ANKRD34B: variants seen among roughly 807,000 people sequenced by gnomAD.
The protein encoded by ANKRD34B is ankyrin repeat domain 34B, also known as ankyrin repeat domain-containing protein 34B.
In ANKRD34B, 2 loss-of-function variants were observed where a neutral mutation model predicts 4.4. That is an observed-to-expected ratio of 0.46 (90% CI 0.19 to 1.44). The LOEUF (loss-of-function observed/expected upper bound fraction) is 1.44. Ranked by LOEUF, ANKRD34B falls within the 40% of genes most tolerant of loss-of-function variation. The pLI is 0.26. For missense variants in ANKRD34B, 558 were observed against 604.7 expected, an observed-to-expected ratio of 0.92 and a Z score of 0.81; for synonymous variants, 226 against 227.1, an observed-to-expected ratio of 0.99 and a Z score of 0.05.
In ANKRD34B at chr5:80,559,872, C is replaced by T. The variant is rs759235997; in HGVS notation, c.148G>A (p.Ala50Thr). 5.6e-6 allele frequency: 9 copies of T among 1,614,202 alleles called. No individual in the cohort carries two copies. The highest frequency in any genetic ancestry group is 1.3e-5 in the African/African-American group (1 of 75,042). ...TGATCGACATGTTTGGTCTTACAAGCGATCATTAAAGGGGTTTCCCCACGG... is the reference window on the plus strand; with the variant it reads ...TGATCGACATGTTTGGTCTTACAAGTGATCATTAAAGGGGTTTCCCCACGG... ...NDRGETPLMIACKTKHVDHQS... is the reference protein window; with the variant it reads ...NDRGETPLMITCKTKHVDHQS... The change falls in exon 5 of 5, where the codon GCT becomes ACT. Residue 50 changes from alanine to threonine, a missense_variant. Physicochemically the swap from Ala to Thr is moderately conservative, Grantham distance 58 (BLOSUM62 0). Coordinates refer to ENST00000338682, the MANE Select transcript of ANKRD34B (RefSeq NM_001004441.3).
rs1203428297 is a variant in ANKRD34B, at chr5:80,558,324, C to T, written c.*151G>A. 4 of 633,640 alleles carry T rather than the reference C, an allele frequency of 6.3e-6. No homozygotes were observed. Among genetic ancestry groups the T allele is most frequent in the Non-Finnish European group, 1.1e-5 (4 of 380,016 alleles). 39.3% of individuals were successfully genotyped at this position (633,640 alleles called of 1,614,324 possible). A position where few individuals can be genotyped will look rare whatever the true frequency, so the allele number is the denominator to read the frequency against. On this transcript the variant is annotated 3_prime_UTR_variant, in exon 5 of 5. Coordinates refer to ENST00000338682, the MANE Select transcript of ANKRD34B (RefSeq NM_001004441.3). ...TGTATTATTTTTTATGCTCATGACGCCTAGTACAAATCACATTACATTTTA... is the reference window on the plus strand; with the variant it reads ...TGTATTATTTTTTATGCTCATGACGTCTAGTACAAATCACATTACATTTTA...
rs369957076 is a variant in ANKRD34B at position 80,568,953 on chromosome 5, G to GAGAGAGAGAGAGAGAGAGAGAGAGA, written c.-191+6_-191+7insTCTCTCTCTCTCTCTCTCTCTCTCT. ...AGAGAGAGAGAGAGAGAGAGAGAGA[G>GAGAGAGAGAGAGAGAGAGAGAGAGA]GCCAACCTAGTCCTCCAAGTCTCAG... On this transcript the variant is annotated splice_region_variant and intron_variant, in intron 2 of 4. Coordinates refer to ENST00000338682, the MANE Select transcript of ANKRD34B (RefSeq NM_001004441.3). 4 of 146,098 alleles carry GAGAGAGAGAGAGAGAGAGAGAGAGA rather than the reference G, an allele frequency of 2.7e-5. No homozygotes were observed. Among genetic ancestry groups the GAGAGAGAGAGAGAGAGAGAGAGAGA allele is most frequent in the Non-Finnish European group, 4.5e-5 (3 of 66,438 alleles). 9.1% of individuals were successfully genotyped at this position (146,098 alleles called of 1,614,324 possible). A position where few individuals can be genotyped will look rare whatever the true frequency, so the allele number is the denominator to read the frequency against.
chr5:80,561,574 T>C (rs1472837096), intron 4 of ANKRD34B, among the ~76,000 whole-genome samples: 1 of 152,150 alleles, frequency 6.6e-6, no homozygotes. Context: ...GCTACAAAGA[T>C]ACAAGCCCTA....
chr5:80,564,307 C>T, intron 3 of ANKRD34B: 1 of 152,958 alleles, frequency 6.5e-6, no homozygotes, highest in Non-Finnish European at 1.5e-5. Context: ...CCGCCATGCC[C>T]AGCCAAGACT....
chr5:80,557,623 C>T lies in ANKRD34B; in HGVS notation c.*852G>A, dbSNP rs1746281354. On this transcript the variant is annotated 3_prime_UTR_variant, in exon 5 of 5. Transcript: ENST00000338682. ...GAGGAATGCTTTTTAACTTTTATAT[C>T]ATCTTGTCTTTGGAAACTTATGGAT... 1 of 151,450 alleles carries T rather than the reference C, an allele frequency of 6.6e-6. No individual in the cohort carries two copies. Among genetic ancestry groups the T allele is most frequent in the Non-Finnish European group, 1.5e-5 (1 of 67,880 alleles). The allele number at this position is 151,450 out of a possible 1,614,324, so 9.4% of individuals were successfully genotyped here. A position where few individuals can be genotyped will look rare whatever the true frequency, so the allele number is the denominator to read the frequency against.
chr5:80,557,824 T>C lies in ANKRD34B; in HGVS notation c.*651A>G, dbSNP rs1746285855. 1.3e-5 allele frequency: 2 copies of C among 152,180 alleles called. No homozygotes were observed. The highest frequency in any genetic ancestry group is 2.4e-5 in the African/African-American group (1 of 41,450). 9.4% of individuals were successfully genotyped at this position (152,180 alleles called of 1,614,324 possible). On this transcript the variant is annotated 3_prime_UTR_variant, in exon 5 of 5. Coordinates refer to ENST00000338682, the MANE Select transcript of ANKRD34B (RefSeq NM_001004441.3). Reference sequence around the variant, plus strand: ...AACAACAAGACCCGGCATAGATTACTAGTAGGTTGTAAAACTCTGACTTGC... The same window carrying C: ...AACAACAAGACCCGGCATAGATTACCAGTAGGTTGTAAAACTCTGACTTGC...
Position 80,558,143 on chromosome 5 carries a change from TCTG to T in ANKRD34B, c.*329_*331del, listed in dbSNP as rs2112702674. On this transcript the variant is annotated 3_prime_UTR_variant, in exon 5 of 5. Transcript: ENST00000338682. ...GTTTCCTAATAAAATATTTAGCCAA[TCTG>T]AAAATTTTTAAAAATTACCCCAACA... is the stretch of plus-strand genomic sequence containing the variant. The T allele has an allele frequency of 6.1e-6, 1 of 164,286 alleles. No individual in the cohort carries two copies. Among genetic ancestry groups the T allele is most frequent in the Admixed American group, 6.1e-5 (1 of 16,282 alleles). 10.2% of individuals were successfully genotyped at this position (164,286 alleles called of 1,614,324 possible).
rs1277708531 is a variant in ANKRD34B at position 80,558,542 on chromosome 5, C to T, written c.1478G>A (p.Ser493Asn). ...TTGTCTCCTTAACAACATTTTCTTA[C>T]TTTTGAATTCTTTAGGGAAAATCGG... ...TVPIFPKEFK[S>N]KKMLLRRQSL... Residue 493 changes from serine to asparagine, a missense_variant, in exon 5 of 5, where the codon AGT (serine) becomes AAT (asparagine). By Grantham distance (46) the Ser-to-Asn change is conservative (BLOSUM62 1). Coordinates refer to ENST00000338682, the MANE Select transcript of ANKRD34B (RefSeq NM_001004441.3). 6.2e-7 allele frequency: 1 copy of T among 1,614,038 alleles called. No homozygotes were observed.
intron 3 of ANKRD34B, among the ~76,000 whole-genome samples, chr5:80,565,578 C>A (rs1419010601): frequency 6.6e-6 from 1 of 152,236 alleles, no homozygotes; most frequent in Non-Finnish European, 1.5e-5. Flanking sequence ...ATAGAACGTG[C>A]ATTCCATGGG....
intron 4 of ANKRD34B, among the ~76,000 whole-genome samples, chr5:80,561,434 A>G (rs1055328159): frequency 1.3e-5 from 2 of 152,216 alleles, no homozygotes; most frequent in Admixed American, 6.5e-5. Context: ...TAGATAACAA[A>G]TCTAATAACC....
In ANKRD34B at chr5:80,559,113, C is replaced by A; in HGVS notation, c.907G>T (p.Ala303Ser). Reference protein sequence around the residue: ...RHQSIDVKDTAHLLRAFDQAS... With the variant: ...RHQSIDVKDTSHLLRAFDQAS... ...TGATCAAAGGCTCTTAGCAAATGTG[C>A]AGTGTCTTTTACATCAATGCTTTGG... Residue 303 changes from alanine to serine, a missense_variant, in exon 5 of 5, where the codon GCA becomes TCA. Physicochemically the swap from Ala to Ser is moderately conservative, Grantham distance 99. Coordinates refer to ENST00000338682, the MANE Select transcript of ANKRD34B (RefSeq NM_001004441.3). 6.2e-7 allele frequency: 1 copy of A among 1,614,190 alleles called. No individual in the cohort carries two copies. The highest frequency in any genetic ancestry group is 8.5e-7 in the Non-Finnish European group (1 of 1,180,024).
chr5:80,568,792 G>A (rs1746651338), intron 2 of ANKRD34B, among the ~76,000 whole-genome samples, 168 bp downstream of exon 2: 1 of 151,776 alleles, frequency 6.6e-6, no homozygotes. Flanking sequence ...ACACATACCC[G>A]CAAAGGGCTG....
Position 80,558,837 on chromosome 5 carries a change from T to G in ANKRD34B, c.1183A>C (p.Lys395Gln). The G allele has an allele frequency of 1.2e-6, 2 of 1,613,972 alleles. No individual in the cohort carries two copies. The highest frequency in any genetic ancestry group is 1.7e-6 in the Non-Finnish European group (2 of 1,179,994). The change falls in exon 5 of 5, where the codon AAG (lysine) becomes CAG (glutamine). Residue 395 changes from lysine (K) to glutamine (Q), a missense_variant. Transcript: ENST00000338682. ...TGGGAAGGAGATGGTGAGAGGATCT[T>G]TTTCTTTCCTATAAGTGCTTTGCCG... ...EDGKALIGKK[K>Q]ILSPSPSQLS... is the part of the protein sequence containing the mutation.
rs745930946 is a variant in ANKRD34B at position 80,558,778 on chromosome 5, G to GT, written c.1241_1242insA (p.Gly417ArgfsTer73). ...TTCTCCTGCTCAGGGGACCTGGGGG[G>GT]ATATTCTCCAACAATTCTTTGGACT... On this transcript the variant is annotated frameshift_variant, in exon 5 of 5. Transcript: ENST00000338682. LOFTEE classifies it low-confidence loss of function (END_TRUNC). 1.5e-5 allele frequency: 25 copies of GT among 1,614,006 alleles called. No individual in the cohort carries two copies. The highest frequency in any genetic ancestry group is 2.1e-5 in the Non-Finnish European group (25 of 1,180,038).
At chr5:80,568,685 C>A (rs2112722567) in intron 2 of ANKRD34B, among the ~76,000 whole-genome samples, 1 of 152,254 alleles carries the variant, frequency 6.6e-6, no homozygotes, top group South Asian at 2.1e-4. Context: ...AATGGAATGA[C>A]TGGCCAGAAA....
At chr5:80,569,504 G>T (rs894258927) in intron 1 of ANKRD34B, among the ~76,000 whole-genome samples, 2 of 152,114 alleles carry the variant, frequency 1.3e-5, no homozygotes, top group Non-Finnish European at 2.9e-5. Context: ...AGCTGCAAAG[G>T]GCTCCGCAGT....
At position 80,559,292 on chromosome 5, in the gene ANKRD34B, G is replaced by C; in HGVS notation, c.728C>G (p.Pro243Arg). ...ACTCTTGACCCAGGGTGGAGCGTGG[G>C]GGAGCTTGGGCCCCTTAGGGGCCAA... Reference protein sequence around the residue: ...PALAPKGPKLPHAPPWVKSPP... With the variant: ...PALAPKGPKLRHAPPWVKSPP... The change falls in exon 5 of 5, where the codon CCC becomes CGC. Residue 243 changes from proline to arginine, a missense_variant. Physicochemically the swap from Pro to Arg is moderately radical, Grantham distance 103. Coordinates refer to ENST00000338682, the MANE Select transcript of ANKRD34B (RefSeq NM_001004441.3). The C allele has an allele frequency of 6.2e-7, 1 of 1,614,164 alleles. No individual in the cohort carries two copies. The highest frequency in any genetic ancestry group is 8.5e-7 in the Non-Finnish European group (1 of 1,180,026).
At chr5:80,565,284 G>A (rs1277998280) in intron 3 of ANKRD34B, among the ~76,000 whole-genome samples, 1 of 152,114 alleles carries the variant, frequency 6.6e-6, no homozygotes, top group Admixed American at 6.6e-5. Context: ...TACTTTTGAC[G>A]AAGACCACTT....
In ANKRD34B at chr5:80,558,898, C is replaced by G. The variant is rs1256108338; in HGVS notation, c.1122G>C (p.Gln374His). ...LGANHYSSDS[Q>H]LSAGLTPPTS... ...TTGGAGGGGTAAGGCCAGCTGAGAG[C>G]TGGGAATCAGAGCTGTAGTGATTTG... Residue 374 changes from glutamine to histidine, a missense_variant, in exon 5 of 5, where the codon CAG becomes CAC. By Grantham distance (24) the Gln-to-His change is conservative. Transcript: ENST00000338682. 6.2e-7 allele frequency: 1 copy of G among 1,614,090 alleles called. No individual in the cohort carries two copies. Among genetic ancestry groups the G allele is most frequent in the East Asian group, 2.2e-5 (1 of 44,878 alleles).
Sources: allele counts gnomAD v4.1 joint callset (sites outside exome capture counted in the v4.1 genomes callset), GRCh38; gene constraint gnomAD v4.1.1; transcripts MANE v1.5; gene names NCBI Gene and HGNC (gene_info 2026-07-23, HGNC 2026-07-21).